Variants in CRIM1 observed in about 807,000 individuals in gnomAD.
The protein encoded by CRIM1 is cysteine rich transmembrane BMP regulator 1.
A neutral mutation model predicts 116.4 loss-of-function variants in CRIM1; 32 were observed. The observed-to-expected ratio is 0.27, with a 90% CI of 0.21 to 0.37. CRIM1 has a LOEUF of 0.37. Among genes scored for constraint, CRIM1 ranks in the 10% least tolerant of loss-of-function variants. The probability of loss-of-function intolerance (pLI) is 1.00; values close to 1 mark genes in which losing one functional copy is unlikely to be tolerated. For synonymous variants in CRIM1, 590 were observed against 509.2 expected (o/e 1.16, Z -2.13); for missense variants, 1,331 against 1,354.8 (o/e 0.98, Z 0.28).
At chr2:36,469,813 G>C (rs185789418) in intron 5 of CRIM1, among the ~76,000 whole-genome samples, 45 of 152,250 alleles carry the variant, frequency 3.0e-4, no homozygotes, top group African/African-American at 9.6e-4. Flanking sequence ...AGCACCCCTC[G>C]TGTTCCTGGG....
intron 2 of CRIM1, among the ~76,000 whole-genome samples, chr2:36,429,807 C>T (rs186806125): frequency 3.3e-4 from 50 of 152,302 alleles, no homozygotes; most frequent in Admixed American, 2.7e-3. Flanking sequence ...CTTAAAAAAG[C>T]GTTTGCCTTG....
intron 13 of CRIM1, among the ~76,000 whole-genome samples, chr2:36,532,421 G>A (rs77504946): frequency 0.013 from 2,034 of 152,354 alleles, 50 homozygotes; most frequent in African/African-American, 0.047. Context: ...GTGTTAAACA[G>A]AGATGTTCCT....
chr2:36,401,793 A>T (rs892855760), intron 2 of CRIM1, among the ~76,000 whole-genome samples: 4 of 152,262 alleles, frequency 2.6e-5, no homozygotes, highest in Non-Finnish European at 5.9e-5. Flanking sequence ...TGAAGAATAT[A>T]AAACACCCTG....
At chr2:36,534,735 AG>A (rs1666411932) in intron 13 of CRIM1, among the ~76,000 whole-genome samples, 3 of 151,602 alleles carry the variant, frequency 2.0e-5, no homozygotes, top group African/African-American at 7.3e-5. Flanking sequence ...GGAAGATGGA[AG>A]GAAGGAAGGA....
chr2:36,401,619 A>G (rs796245448), intron 2 of CRIM1, among the ~76,000 whole-genome samples: 2 of 152,336 alleles, frequency 1.3e-5, no homozygotes, highest in African/African-American at 4.8e-5. Flanking sequence ...CTCAGTGGTC[A>G]TAAGTAATGT....
At chr2:36,479,063 A>G (rs570567874) in intron 6 of CRIM1, among the ~76,000 whole-genome samples, 48 of 152,334 alleles carry the variant, frequency 3.2e-4, no homozygotes, top group African/African-American at 1.0e-3. Flanking sequence ...AGAAGTAACA[A>G]TATCACTCTG....
chr2:36,534,217 TAAGG>T (rs140266280), intron 13 of CRIM1, among the ~76,000 whole-genome samples: 1,053 of 73,274 alleles, frequency 0.014, 28 homozygotes, highest in African/African-American at 0.056. Flanking sequence ...ATGGGAAAGA[TAAGG>T]AAGGAAGGAG....
At chr2:36,396,897 G>A in intron 2 of CRIM1, 110 bp downstream of exon 2, 2 of 949,916 alleles carry the variant, frequency 2.1e-6, no homozygotes, top group Non-Finnish European at 3.1e-6. Context: ...ACAGAGAGTG[G>A]TAGTTTGTAT....
intron 8 of CRIM1, among the ~76,000 whole-genome samples, chr2:36,507,141 C>G (rs915171877): frequency 2.6e-5 from 4 of 152,126 alleles, no homozygotes; most frequent in Non-Finnish European, 2.9e-5. Context: ...ATTACAGGTT[C>G]CAGCCAGCCG....
chr2:36,450,390 G>A (rs776028178), intron 4 of CRIM1, among the ~76,000 whole-genome samples: 2 of 152,104 alleles, frequency 1.3e-5, no homozygotes, highest in South Asian at 2.1e-4. Flanking sequence ...CAGCTGCTCC[G>A]TATTCATATT....
intron 7 of CRIM1, among the ~76,000 whole-genome samples, chr2:36,482,616 A>C (rs571527026): frequency 3.9e-4 from 59 of 152,356 alleles, no homozygotes; most frequent in African/African-American, 1.3e-3. Flanking sequence ...ATAAATAAGC[A>C]ATCACCCAGA....
chr2:36,487,923 AT>A (rs1679953415), intron 7 of CRIM1, among the ~76,000 whole-genome samples: 1 of 152,088 alleles, frequency 6.6e-6, no homozygotes, highest in African/African-American at 2.4e-5. Flanking sequence ...CTATTCCAAC[AT>A]TTTTTTCAAA....
At chr2:36,478,202 G>A (rs993183013) in intron 6 of CRIM1, among the ~76,000 whole-genome samples, 6 of 152,222 alleles carry the variant, frequency 3.9e-5, no homozygotes, top group Admixed American at 3.9e-4. Flanking sequence ...ATAACAGTGA[G>A]TTCTTTTCCC....
intron 5 of CRIM1, among the ~76,000 whole-genome samples, chr2:36,465,436 G>T (rs757627616): frequency 6.6e-6 from 1 of 152,196 alleles, no homozygotes; most frequent in South Asian, 2.1e-4. Flanking sequence ...GTCAATACTT[G>T]TATACACAGG....
chr2:36,527,603 A>C (rs1012612892), intron 13 of CRIM1, among the ~76,000 whole-genome samples: 2 of 152,166 alleles, frequency 1.3e-5, no homozygotes. Flanking sequence ...AAGTCAATAC[A>C]TTATTCCTTT....
intron 13 of CRIM1, among the ~76,000 whole-genome samples, chr2:36,531,457 G>C (rs1666114908): frequency 6.6e-6 from 1 of 151,362 alleles, no homozygotes; most frequent in Admixed American, 6.6e-5. Flanking sequence ...GTCAGTTTCA[G>C]AGCAGGGCTG....
chr2:36,513,290 G>A, intron 10 of CRIM1: 1 of 434,272 alleles, frequency 2.3e-6, no homozygotes, highest in Non-Finnish European at 4.2e-6. Flanking sequence ...TATAAAATAT[G>A]AGAAAGTACA....
chr2:36,479,460 A>G (rs1217172310), intron 6 of CRIM1, 37 bp from the exon 7 acceptor site: 15 of 1,592,770 alleles, frequency 9.4e-6, no homozygotes, highest in Non-Finnish European at 1.3e-5. Context: ...GATTTAGAAG[A>G]TGCTCAGTCT....
chr2:36,426,381 C>G (rs1674450933), intron 2 of CRIM1, among the ~76,000 whole-genome samples: 1 of 152,174 alleles, frequency 6.6e-6, no homozygotes, highest in Admixed American at 6.5e-5. Flanking sequence ...TCTCAAGTCT[C>G]TTATTTAAGT....
Sources: gnomAD v4.1 joint callset for allele counts (sites outside exome capture counted in the v4.1 genomes callset) on GRCh38, gnomAD v4.1.1 for gene constraint, MANE v1.5 for transcripts, NCBI Gene and HGNC (gene_info 2026-07-23, HGNC 2026-07-21) for gene names.